NF1: variants seen among roughly 807,000 people sequenced by gnomAD.
The protein encoded by NF1 is neurofibromin 1, also known as neurofibromin.
Under a neutral mutation model 325.7 loss-of-function variants are expected in NF1, and 122 were observed. The ratio of observed to expected loss-of-function variants is 0.37; its 90% confidence interval spans 0.32 to 0.44. The LOEUF is 0.44. Among genes scored for constraint, NF1 ranks in the 20% least tolerant of loss-of-function variants. The pLI, the probability that NF1 is intolerant of heterozygous loss-of-function variation, is 1.00. For missense variants in NF1, 2,140 were observed against 3,415.4 expected (o/e 0.63, Z 9.31); for synonymous variants, 1,091 against 1,186.0 (o/e 0.92, Z 1.65).
rs1210367831 is a variant in NF1 at position 31,338,050 on chromosome 17, C to G, written c.6730C>G (p.Leu2244Val). Residue 2244 changes from leucine to valine, a missense_variant, in exon 45 of 58, where the codon CTG becomes GTG. Leu to Val is a conservative substitution (Grantham distance 32). Around this residue, in one of 10 missense-constraint regions of NF1, gnomAD observed 522 missense variants for 749.0 expected, o/e 0.70. Transcript: ENST00000358273. ...ATTTGCATTCCAATATAATCCATCC[C>G]TGCAACCAAGAGCTCTTGTTGTCTT... ...QRFAFQYNPS[L>V]QPRALVVFGC... 6.2e-7 allele frequency: 1 copy of G among 1,613,828 alleles called. No individual in the cohort carries two copies. Among genetic ancestry groups the G allele is most frequent in the Admixed American group, 1.7e-5 (1 of 60,010 alleles).
intron 27 of NF1, among the ~76,000 whole-genome samples, chr17:31,235,196 T>C (rs1201944932): frequency 2.0e-5 from 3 of 152,202 alleles, no homozygotes; most frequent in African/African-American, 7.2e-5. Context: ...TCCCCGACTG[T>C]ATGAGAAGAG....
chr17:31,340,397 C>T (rs2069785337), intron 46 of NF1, 108 bp from the exon 47 acceptor site: 13 of 1,396,546 alleles, frequency 9.3e-6, no homozygotes, highest in Admixed American at 1.7e-5. Flanking sequence ...AAAGAGAAAA[C>T]ATGGGTAATT....
At chr17:31,305,677 G>T in intron 36 of NF1, 1 of 1,501,342 alleles carries the variant, frequency 6.7e-7, no homozygotes. Flanking sequence ...GGCGTCATTG[G>T]TGTCTAGTTA....
intron 29 of NF1, 50 bp downstream of exon 29, chr17:31,236,071 G>A: frequency 8.3e-7 from 1 of 1,211,590 alleles, no homozygotes; most frequent in Non-Finnish European, 1.2e-6. Context: ...TTTTTTTTTT[G>A]TTTGTTTGTT....
intron 36 of NF1, chr17:31,297,024 G>A (rs2068481770): frequency 6.6e-6 from 1 of 152,090 alleles, no homozygotes; most frequent in Admixed American, 6.5e-5. Flanking sequence ...TCCCTCAACT[G>A]ACACTGCAGC....
Position 31,376,147 on chromosome 17 carries a change from C to T in NF1, c.*1992C>T, listed in dbSNP as rs1286414361. On this transcript the variant is annotated 3_prime_UTR_variant, in exon 58 of 58. Transcript: ENST00000358273. The stretch of plus-strand genomic sequence containing the variant: ...CACCATGGTCTTGGCTCTCCCACAA[C>T]CCAGTGTTTCTGGGGTAAGTTTCAC... The T allele has an allele frequency of 2.6e-5, 6 of 232,924 alleles. No homozygotes were observed. Among genetic ancestry groups the T allele is most frequent in the Non-Finnish European group, 5.1e-5 (6 of 117,908 alleles). The allele number at this position is 232,924 out of a possible 1,614,324, so 14.4% of individuals were successfully genotyped here.
chr17:31,238,704 A>G (rs2067244264), intron 29 of NF1, among the ~76,000 whole-genome samples: 1 of 151,740 alleles, frequency 6.6e-6, no homozygotes, highest in Non-Finnish European at 1.5e-5. Context: ...ACTGCACTCC[A>G]GCCTGGGCGA....
intron 34 of NF1, among the ~76,000 whole-genome samples, chr17:31,261,315 A>T (rs1567863411): frequency 6.6e-6 from 1 of 152,134 alleles, no homozygotes; most frequent in Non-Finnish European, 1.5e-5. Context: ...ATTAGCTCTT[A>T]TTAGTCTCTT....
intron 36 of NF1, chr17:31,295,017 C>A: frequency 6.2e-7 from 1 of 1,614,066 alleles, no homozygotes. Flanking sequence ...CCTCAGACAG[C>A]CAGCATGACC....
At chr17:31,335,965 T>C (rs561853049) in intron 40 of NF1, among the ~76,000 whole-genome samples, 1 of 151,844 alleles carries the variant, frequency 6.6e-6, no homozygotes, top group Non-Finnish European at 1.5e-5. Flanking sequence ...GTGCTGGGAT[T>C]ACAAGCGTGA....
rs2067640173 is a variant in NF1 at position 31,259,128 on chromosome 17, A to G, written c.4429A>G (p.Arg1477Gly). Residue 1477 changes from arginine (R) to glycine (G), a missense_variant and splice_region_variant, in exon 33 of 58, where the codon AGG becomes GGG. By Grantham distance (125) the Arg-to-Gly change is moderately radical. Transcript: ENST00000358273. ...FVKSNFDAAR[R>G]FFLDIASDCP... Reference sequence around the variant, plus strand: ...GAAAAGCAACTTTGATGCAGCACGCAGGTAATTTTCTTGCCACTTACTCAG... The same window carrying G: ...GAAAAGCAACTTTGATGCAGCACGCGGGTAATTTTCTTGCCACTTACTCAG... The G allele has an allele frequency of 6.3e-7, 1 of 1,594,986 alleles. No individual in the cohort carries two copies. The highest frequency in any genetic ancestry group is 8.6e-7 in the Non-Finnish European group (1 of 1,167,250).
Position 31,334,885 on chromosome 17 carries a change from T to A in NF1, c.5860T>A (p.Ser1954Thr), listed in dbSNP as rs2151550370. 1 of 1,614,012 alleles carries A rather than the reference T, an allele frequency of 6.2e-7. No homozygotes were observed. The highest frequency in any genetic ancestry group is 8.5e-7 in the Non-Finnish European group (1 of 1,179,988). The change falls in exon 40 of 58, where the codon TCA becomes ACA. Residue 1954 changes from serine to threonine, a missense_variant. Around this residue, in one of 10 missense-constraint regions of NF1, gnomAD observed 180 missense variants for 435.1 expected, o/e 0.41. Transcript: ENST00000358273. The part of the protein sequence containing the change: ...LCLEYMTPWL[S>T]NLVRFCKHND... ...TTTGGAATACATGACTCCATGGCTGTCAAATCTAGTTCGTTTTTGCAAGCA... is the reference window on the plus strand; with the variant it reads ...TTTGGAATACATGACTCCATGGCTGACAAATCTAGTTCGTTTTTGCAAGCA...
At chr17:31,205,928 C>T (rs2066611787) in intron 11 of NF1, among the ~76,000 whole-genome samples, 1 of 151,306 alleles carries the variant, frequency 6.6e-6, no homozygotes, top group African/African-American at 2.4e-5. Flanking sequence ...AGATTGGCTA[C>T]AGATTAGCTC....
intron 1 of NF1, among the ~76,000 whole-genome samples, chr17:31,154,657 C>G (rs1299224095): frequency 6.7e-6 from 1 of 150,150 alleles, no homozygotes; most frequent in East Asian, 1.9e-4. Context: ...TTACGAAGTT[C>G]TGTAGTTTCT....
intron 36 of NF1, chr17:31,296,548 TCTCC>T: frequency 1.8e-6 from 1 of 560,792 alleles, no homozygotes; most frequent in South Asian, 2.0e-5. Flanking sequence ...AGAGAGACTC[TCTCC>T]CTACTCTCTC....
chr17:31,139,375 G>GACACAC (rs58863782), intron 1 of NF1, among the ~76,000 whole-genome samples: 5,488 of 144,136 alleles, frequency 0.038, 162 homozygotes, highest in African/African-American at 0.082. Context: ...GTTTTACACA[G>GACACAC]ACACACACAC....
chr17:31,135,251 A>T (rs548273452), intron 1 of NF1, among the ~76,000 whole-genome samples: 1 of 152,314 alleles, frequency 6.6e-6, no homozygotes, highest in South Asian at 2.1e-4. Context: ...TTAGGTGCAT[A>T]GAGGCTTACA....
intron 50 of NF1, 73 bp downstream of exon 50, chr17:31,350,391 A>G: frequency 1.5e-6 from 2 of 1,319,700 alleles, no homozygotes; most frequent in Non-Finnish European, 1.1e-6. Context: ...GGAGGCAAGC[A>G]GCAGAGTAAT....
chr17:31,336,404 A>C lies in NF1; in HGVS notation c.6078A>C (p.Ile2026=). ...KTSATGGLGS[I]KAEVMADTAV... is the part of the protein sequence containing the mutation. Reference sequence around the variant, plus strand: ...GTGCAACAGGTGGCTTGGGATCAATAAAAGCTGAGGTGATGGCAGATACTG... The same window carrying C: ...GTGCAACAGGTGGCTTGGGATCAATCAAAGCTGAGGTGATGGCAGATACTG... The change falls in exon 41 of 58, where the codon ATA becomes ATC. Residue 2026 remains isoleucine (I), a synonymous_variant. Coordinates refer to ENST00000358273, the MANE Select transcript of NF1 (RefSeq NM_001042492.3). The surrounding 1 kb of genome is among the most constrained non-coding windows in gnomAD (Gnocchi z 5.5). 6.2e-7 allele frequency: 1 copy of C among 1,614,162 alleles called. No individual in the cohort carries two copies. Among genetic ancestry groups the C allele is most frequent in the South Asian group, 1.1e-5 (1 of 91,086 alleles).
Sources: allele counts gnomAD v4.1 joint callset (sites outside exome capture counted in the v4.1 genomes callset), GRCh38; gene constraint gnomAD v4.1.1; regional missense constraint gnomAD v4.1.1; non-coding constraint Gnocchi (gnomAD v3.1); transcripts MANE v1.5; gene names NCBI Gene and HGNC (gene_info 2026-07-23, HGNC 2026-07-21).